Variants in RBM33 observed in about 807,000 individuals in gnomAD.
RBM33 encodes the protein RNA-binding protein 33.
A neutral mutation model predicts 132.6 loss-of-function variants in RBM33; 28 were observed. That is an observed-to-expected ratio of 0.21 (90% CI 0.16 to 0.29). The LOEUF (loss-of-function observed/expected upper bound fraction) is 0.29, where lower values mean the gene tolerates loss of function less well. Among genes scored for constraint, RBM33 ranks in the 10% least tolerant of loss-of-function variants. The pLI, the probability that RBM33 is intolerant of heterozygous loss-of-function variation, is 1.00. For synonymous variants in RBM33, 634 were observed against 593.0 expected, an observed-to-expected ratio of 1.07 and a Z score of -1.01; for missense variants, 1,291 against 1,518.5, an observed-to-expected ratio of 0.85 and a Z score of 2.49.
chr7:155,754,726 C>T (rs558740587), intron 14 of RBM33, among the ~76,000 whole-genome samples: 1 of 152,364 alleles, frequency 6.6e-6, no homozygotes, highest in Non-Finnish European at 1.5e-5. Flanking sequence ...AGAGCAAGCA[C>T]TTGAATAACT....
intron 14 of RBM33, among the ~76,000 whole-genome samples, chr7:155,758,122 C>T (rs2117057705): frequency 6.6e-6 from 1 of 152,218 alleles, no homozygotes; most frequent in South Asian, 2.1e-4. Flanking sequence ...CTGTACGGAC[C>T]CTAGTACCTT....
chr7:155,774,305 G>T lies in RBM33; in HGVS notation c.3376-254G>T, dbSNP rs1802534418. On this transcript the variant is annotated intron_variant, in intron 16 of 17. Transcript: ENST00000401878. This position sits in a 1 kb window ranked among gnomAD's most constrained non-coding sequence, Gnocchi z 4.2. ...GGGGCAGCTGATGGGGCCAGATGAT[G>T]GGAGGCCTTAACACTAGGCTTGGAA... Among the ~76,000 whole-genome samples, 2 of 152,182 alleles carry T rather than the reference G, an allele frequency of 1.3e-5. No homozygotes were observed. Among genetic ancestry groups the T allele is most frequent in the South Asian group, 4.1e-4 (2 of 4,832 alleles).
At chr7:155,750,968 G>A (rs1801671043) in intron 14 of RBM33, among the ~76,000 whole-genome samples, 1 of 152,128 alleles carries the variant, frequency 6.6e-6, no homozygotes, top group Non-Finnish European at 1.5e-5. Context: ...TTAAAAGGCT[G>A]TCAAAATGCT....
At chr7:155,694,512 G>C (rs1799738226) in intron 5 of RBM33, among the ~76,000 whole-genome samples, 1 of 152,196 alleles carries the variant, frequency 6.6e-6, no homozygotes, top group Non-Finnish European at 1.5e-5. Context: ...AGTAAGTTTT[G>C]ATACATGTAT....
chr7:155,675,581 CCGT>C (rs1241261493), intron 3 of RBM33, among the ~76,000 whole-genome samples: 1 of 152,108 alleles, frequency 6.6e-6, no homozygotes, highest in Non-Finnish European at 1.5e-5. Context: ...TCTCAGGTGT[CCGT>C]CGTCCAGCCT....
At chr7:155,655,534 CTTTTTTTTTT>C (rs756948005) in intron 1 of RBM33, among the ~76,000 whole-genome samples, 5 of 80,114 alleles carry the variant, frequency 6.2e-5, no homozygotes, top group African/African-American at 1.5e-4. Flanking sequence ...GGCTGTTTGC[CTTTTTTTTTT>C]TTTTTTTTTT....
At chr7:155,729,391 A>T (rs1467727960) in intron 9 of RBM33, among the ~76,000 whole-genome samples, 1 of 152,180 alleles carries the variant, frequency 6.6e-6, no homozygotes, top group Non-Finnish European at 1.5e-5. Flanking sequence ...TGAAGAAGCC[A>T]GTCAGCATGG....
intron 1 of RBM33, among the ~76,000 whole-genome samples, chr7:155,656,373 A>G (rs1395384677): frequency 2.5e-5 from 2 of 80,730 alleles, no homozygotes; most frequent in East Asian, 3.8e-4. Context: ...CTTTAACATA[A>G]CAGGTATGAA....
chr7:155,689,653 A>G lies in RBM33; in HGVS notation c.567+8745A>G, dbSNP rs201437873. Among the ~76,000 whole-genome samples, 39 of 152,326 alleles carry G rather than the reference A, an allele frequency of 2.6e-4. No individual in the cohort carries two copies. The East Asian group carries it at 3.9e-3, about 15-fold the overall frequency. Reference sequence around the variant, plus strand: ...CTACACACTGCTTTAAATGTGTCCCAGAGATTCTGGTATGTTGTGTCTTTG... The same window carrying G: ...CTACACACTGCTTTAAATGTGTCCCGGAGATTCTGGTATGTTGTGTCTTTG... On this transcript the variant is annotated intron_variant, in intron 5 of 17. Coordinates refer to ENST00000401878, the MANE Select transcript of RBM33 (RefSeq NM_053043.3).
At chr7:155,739,501 A>G (rs1420097200) in intron 11 of RBM33, 1 of 584,260 alleles carries the variant, frequency 1.7e-6, no homozygotes, top group African/African-American at 1.9e-5. Context: ...ATTCAATCCT[A>G]GAATTACTGG....
intron 3 of RBM33, among the ~76,000 whole-genome samples, chr7:155,676,536 A>G (rs1266155321): frequency 6.6e-6 from 1 of 152,182 alleles, no homozygotes; most frequent in East Asian, 1.9e-4. Context: ...ATTGGAGAGA[A>G]CCATTCTTTT....
chr7:155,771,287 C>T (rs1301452670), intron 16 of RBM33, among the ~76,000 whole-genome samples: 1 of 152,220 alleles, frequency 6.6e-6, no homozygotes, highest in East Asian at 1.9e-4. Flanking sequence ...TTCTTTTCCT[C>T]TGCTCCTAAT....
chr7:155,756,293 A>G (rs1283546555), intron 14 of RBM33, among the ~76,000 whole-genome samples: 2 of 152,242 alleles, frequency 1.3e-5, no homozygotes, highest in South Asian at 4.1e-4. Context: ...ATGCATAACT[A>G]TAACCTTATA....
rs767799612 is a variant in RBM33, at chr7:155,727,602, ACAGT to A, written c.1260+9164_1260+9167del. Among the ~76,000 whole-genome samples the A allele has an allele frequency of 9.2e-5, 14 of 152,370 alleles. No individual in the cohort carries two copies. In the Middle Eastern group the frequency reaches 0.01, roughly 111 times the overall value. ...CTGTTTCAAAAAAGCAATATTGTTA[ACAGT>A]CAGTGAGCAGCTTTTGGGATCTTAA... On this transcript the variant is annotated intron_variant, in intron 9 of 17. Coordinates refer to ENST00000401878, the MANE Select transcript of RBM33 (RefSeq NM_053043.3).
intron 9 of RBM33, among the ~76,000 whole-genome samples, chr7:155,735,354 T>C (rs1453701230): frequency 3.3e-5 from 5 of 152,302 alleles, no homozygotes; most frequent in East Asian, 3.9e-4. Context: ...TGTAACGGCG[T>C]GTGCTATTAG....
In RBM33 at chr7:155,739,776, A is replaced by G; in HGVS notation, c.1799A>G (p.Gln600Arg). 1 of 1,534,496 alleles carries G rather than the reference A, an allele frequency of 6.5e-7. No homozygotes were observed. ...HQPQPQQPQQ[Q>R]PPPQHQPPHQ... The stretch of plus-strand genomic sequence containing the variant: ...CCTCAGCCTCAGCAACCTCAGCAAC[A>G]GCCCCCGCCACAGCACCAGCCTCCG... Residue 600 changes from glutamine to arginine, a missense_variant, in exon 12 of 18, where the codon CAG becomes CGG. Coordinates refer to ENST00000401878, the MANE Select transcript of RBM33 (RefSeq NM_053043.3).
chr7:155,728,616 A>C (rs947967392), intron 9 of RBM33, among the ~76,000 whole-genome samples: 1 of 152,098 alleles, frequency 6.6e-6, no homozygotes, highest in African/African-American at 2.4e-5. Flanking sequence ...TTACTTATTA[A>C]AGCCTGCCAT....
chr7:155,652,298 C>T (rs151166837), intron 1 of RBM33, among the ~76,000 whole-genome samples: 43 of 152,246 alleles, frequency 2.8e-4, no homozygotes, highest in African/African-American at 8.7e-4. Context: ...TGCTGAACTC[C>T]GCCGTTTACC....
chr7:155,739,856 C>T lies in RBM33; in HGVS notation c.1879C>T (p.Pro627Ser). The T allele has an allele frequency of 6.5e-7, 1 of 1,531,572 alleles. No homozygotes were observed. Among genetic ancestry groups the T allele is most frequent in the Non-Finnish European group, 8.8e-7 (1 of 1,136,014 alleles). The allele number at this position is 1,531,572 out of a possible 1,614,324, so 94.9% of individuals were successfully genotyped here. A position where few individuals can be genotyped will look rare whatever the true frequency, so the allele number is the denominator to read the frequency against. The change falls in exon 12 of 18, where the codon CCA becomes TCA. Residue 627 changes from proline (P) to serine (S), a missense_variant. Coordinates refer to ENST00000401878, the MANE Select transcript of RBM33 (RefSeq NM_053043.3). ...GCACCAGCCCCCACCCCAGCACCCACCACAGCACCCGCCGCAGCACCAGCA... is the reference window on the plus strand; with the variant it reads ...GCACCAGCCCCCACCCCAGCACCCATCACAGCACCCGCCGCAGCACCAGCA... ...PQHQPPPQHPPQHPPQHQHHH... is the reference protein window; with the variant it reads ...PQHQPPPQHPSQHPPQHQHHH...
Sources: gnomAD v4.1 joint callset for allele counts (sites outside exome capture counted in the v4.1 genomes callset) on GRCh38, gnomAD v4.1.1 for gene constraint, Gnocchi (gnomAD v3.1) non-coding constraint, MANE v1.5 for transcripts, NCBI Gene and HGNC (gene_info 2026-07-23, HGNC 2026-07-21) for gene names.